The following ERC1 variants were observed in gnomAD, a reference collection of about 807,000 sequenced individuals.
ERC1 encodes the protein ELKS/RAB6-interacting/CAST family member 1, also known as RAB6 interacting protein 2.
Under a neutral mutation model 132.0 loss-of-function variants are expected in ERC1, and 56 were observed. That is an observed-to-expected ratio of 0.42 (90% confidence interval 0.34 to 0.53). The LOEUF (loss-of-function observed/expected upper bound fraction) is 0.53. Ranked by LOEUF, ERC1 falls within the 20% of genes least tolerant of loss-of-function variation. The pLI is 0.03. For missense variants in ERC1, 1,202 were observed against 1,349.9 expected, an observed-to-expected ratio of 0.89 and a Z score of 1.72; for synonymous variants, 478 against 476.1, an observed-to-expected ratio of 1.00 and a Z score of -0.05.
intron 18 of ERC1, among the ~76,000 whole-genome samples, chr12:1,485,222 TGAGA>T (rs2094189509): frequency 6.8e-6 from 1 of 146,560 alleles, no homozygotes; most frequent in African/African-American, 2.6e-5. Flanking sequence ...TTTTTTTTTT[TGAGA>T]CAGAGTCTCG....
chr12:1,236,592 A>C (rs111798669), intron 12 of ERC1, among the ~76,000 whole-genome samples, 177 bp from the exon 13 acceptor site: 4 of 152,340 alleles, frequency 2.6e-5, no homozygotes, highest in African/African-American at 9.6e-5. Flanking sequence ...TTATTTTTGT[A>C]AACGAATGTG....
intron 18 of ERC1, among the ~76,000 whole-genome samples, chr12:1,468,373 T>G (rs2093788819): frequency 6.6e-6 from 1 of 152,002 alleles, no homozygotes; most frequent in South Asian, 2.1e-4. Context: ...GAGGCCAAGG[T>G]GGGTGGATCA....
rs560911100 is a variant in ERC1, at chr12:1,351,669, T to C, written c.2781-20164T>C. 9.1e-4 allele frequency among the ~76,000 whole-genome samples: 138 copies of C among 152,330 alleles called. 1 individual carries two copies. Among genetic ancestry groups the C allele is most frequent in the South Asian group, 2.9e-3 (14 of 4,828 alleles). ...TTTTATCTTGTTTTATTTTTGTTTTTTATAATATTTTCAATTTTTAATTGA... is the reference window on the plus strand; with the variant it reads ...TTTTATCTTGTTTTATTTTTGTTTTCTATAATATTTTCAATTTTTAATTGA... On this transcript the variant is annotated intron_variant, in intron 15 of 18. Coordinates refer to ENST00000360905, the MANE Select transcript of ERC1 (RefSeq NM_178040.4).
At chr12:1,277,098 T>C (rs948272875) in intron 14 of ERC1, among the ~76,000 whole-genome samples, 2 of 152,200 alleles carry the variant, frequency 1.3e-5, no homozygotes, top group African/African-American at 4.8e-5. Context: ...TTATTATCCC[T>C]GACCTGTCCT....
intron 14 of ERC1, among the ~76,000 whole-genome samples, chr12:1,285,779 C>G (rs921884332): frequency 6.6e-6 from 1 of 152,140 alleles, no homozygotes; most frequent in African/African-American, 2.4e-5. Context: ...GGAACAATCA[C>G]TCAACAACAT....
intron 7 of ERC1, among the ~76,000 whole-genome samples, chr12:1,138,096 C>A (rs1413738648): frequency 2.7e-5 from 2 of 73,404 alleles, no homozygotes; most frequent in African/African-American, 5.7e-5. Flanking sequence ...ATATATAATC[C>A]ATATTATAAT....
intron 16 of ERC1, among the ~76,000 whole-genome samples, chr12:1,388,345 CAAAAA>C (rs34634557): frequency 1.1e-4 from 9 of 85,078 alleles, no homozygotes; most frequent in African/African-American, 2.7e-4. Context: ...GACTCTGTCT[CAAAAA>C]AAAAAAAAAA....
At chr12:1,332,480 A>G (rs2082943226) in intron 15 of ERC1, among the ~76,000 whole-genome samples, 1 of 152,184 alleles carries the variant, frequency 6.6e-6, no homozygotes, top group African/African-American at 2.4e-5. Flanking sequence ...GGAGAACTAG[A>G]TTGATTGTGG....
chr12:1,419,955 A>AG (rs2092357490), intron 17 of ERC1, among the ~76,000 whole-genome samples: 1 of 151,442 alleles, frequency 6.6e-6, no homozygotes, highest in Non-Finnish European at 1.5e-5. Flanking sequence ...CCTCTTTCCC[A>AG]GGTAAACATT....
At chr12:1,107,066 A>G (rs1218698221) in intron 4 of ERC1, among the ~76,000 whole-genome samples, 3 of 152,008 alleles carry the variant, frequency 2.0e-5, no homozygotes, top group East Asian at 3.9e-4. Flanking sequence ...AGGTGATGCA[A>G]TTTTCTTTGC....
intron 2 of ERC1, among the ~76,000 whole-genome samples, chr12:1,071,358 G>A (rs1291579135): frequency 1.3e-5 from 2 of 152,150 alleles, no homozygotes; most frequent in East Asian, 1.9e-4. Context: ...AGCCATTCTA[G>A]TGGGTGTGTA....
intron 2 of ERC1, among the ~76,000 whole-genome samples, chr12:1,056,392 G>A (rs1972972000): frequency 6.6e-6 from 1 of 152,116 alleles, no homozygotes; most frequent in Non-Finnish European, 1.5e-5. Flanking sequence ...CAGAGTGGAA[G>A]TTTAATAGGC....
rs1347163424 is a variant in ERC1, at chr12:1,493,563, A to G, written c.*3333A>G. ...AAAAAAAAAAAATATATATATATATATATATATATATATATGGATGGGAAT... is the reference window on the plus strand; with the variant it reads ...AAAAAAAAAAAATATATATATATATGTATATATATATATATGGATGGGAAT... On this transcript the variant is annotated 3_prime_UTR_variant, in exon 19 of 19. Transcript: ENST00000360905. The G allele has an allele frequency of 9.5e-5, 11 of 116,020 alleles. No homozygotes were observed. The highest frequency in any genetic ancestry group is 3.4e-4 in the African/African-American group (11 of 32,090). The allele number at this position is 116,020 out of a possible 1,614,324, so 7.2% of individuals were successfully genotyped here.
chr12:1,343,277 G>A (rs1311904457), intron 15 of ERC1, among the ~76,000 whole-genome samples: 3 of 152,090 alleles, frequency 2.0e-5, no homozygotes, highest in African/African-American at 7.2e-5. Flanking sequence ...AGTGCCATTC[G>A]TCCCAACTAG....
At chr12:1,190,624 A>G (rs996104041) in intron 12 of ERC1, among the ~76,000 whole-genome samples, 10 of 152,170 alleles carry the variant, frequency 6.6e-5, no homozygotes, top group African/African-American at 1.2e-4. Flanking sequence ...TCTTCAAAAT[A>G]TTCTGTGTTT....
rs554890728 is a variant in ERC1 at position 1,437,087 on chromosome 12, C to T, written c.3025-7475C>T. ...AAGAACTGAATTCAAAGTGTTTTCT[C>T]GTCTTTGTTAACTCTTAACAGCAAG... On this transcript the variant is annotated intron_variant, in intron 17 of 18. Coordinates refer to ENST00000360905, the MANE Select transcript of ERC1 (RefSeq NM_178040.4). 9.1e-4 allele frequency among the ~76,000 whole-genome samples: 138 copies of T among 152,264 alleles called. 2 individuals carry two copies. The highest frequency in any genetic ancestry group is 6.8e-3 in the Middle Eastern group (2 of 294).
chr12:1,142,705 G>T (rs1252591680), intron 8 of ERC1, among the ~76,000 whole-genome samples: 1 of 152,138 alleles, frequency 6.6e-6, no homozygotes, highest in African/African-American at 2.4e-5. Flanking sequence ...AGTGTAGTTG[G>T]AGTTCTTTCA....
Position 1,263,062 on chromosome 12 carries a change from T to A in ERC1, c.2516T>A (p.Ile839Asn). The change falls in exon 14 of 19, where the codon ATT (isoleucine) becomes AAT (asparagine). Residue 839 changes from isoleucine to asparagine, a missense_variant. Ile to Asn is a moderately radical substitution (Grantham distance 149). Transcript: ENST00000360905. ...QDSLRKKDDRIEELEEALRES... is the reference protein window; with the variant it reads ...QDSLRKKDDRNEELEEALRES... ...AGTCTCCGTAAGAAGGATGACAGGA[T>A]TGAAGAGCTGGAAGAAGCACTAAGA... 1 of 1,614,050 alleles carries A rather than the reference T, an allele frequency of 6.2e-7. No individual in the cohort carries two copies. The highest frequency in any genetic ancestry group is 8.5e-7 in the Non-Finnish European group (1 of 1,179,980).
At chr12:1,014,168 G>A (rs1396032272) in intron 1 of ERC1, among the ~76,000 whole-genome samples, 1 of 151,914 alleles carries the variant, frequency 6.6e-6, no homozygotes, top group Non-Finnish European at 1.5e-5. Context: ...TTAAAAAAAT[G>A]TAAGTTTTTT....
Sources: allele counts gnomAD v4.1 joint callset (sites outside exome capture counted in the v4.1 genomes callset), GRCh38; gene constraint gnomAD v4.1.1; transcripts MANE v1.5; gene names NCBI Gene and HGNC (gene_info 2026-07-23, HGNC 2026-07-21).